Variants in SMOC2 observed in about 807,000 individuals in gnomAD.
SMOC2 encodes the protein SPARC related modular calcium binding 2, also known as SPARC-related modular calcium-binding protein 2.
A neutral mutation model predicts 61.4 loss-of-function variants in SMOC2; 39 were observed. The observed-to-expected ratio is 0.64, with a 90% CI of 0.49 to 0.83. The LOEUF is 0.83. Among genes scored for constraint, SMOC2 ranks in the 40% least tolerant of loss-of-function variants. SMOC2 has a pLI of 0.00. For missense variants in SMOC2, 556 were observed against 592.9 expected (o/e 0.94, Z 0.65); for synonymous variants, 247 against 239.9 (o/e 1.03, Z -0.27).
chr6:168,517,680 A>G (rs2763241), intron 2 of SMOC2, among the ~76,000 whole-genome samples: 111,135 of 152,218 alleles, frequency 0.73, 41,830 homozygotes, highest in Non-Finnish European at 0.84. Flanking sequence ...GAGCACGGCA[A>G]TGGCCCCTGC....
At chr6:168,540,803 C>T (rs1281707747) in intron 4 of SMOC2, among the ~76,000 whole-genome samples, 3 of 152,130 alleles carry the variant, frequency 2.0e-5, no homozygotes, top group East Asian at 1.9e-4. Flanking sequence ...TAAACCTGCC[C>T]CCAGGATGTG....
intron 1 of SMOC2, among the ~76,000 whole-genome samples, chr6:168,466,885 G>A (rs999747618): frequency 6.6e-5 from 10 of 152,268 alleles, no homozygotes; most frequent in African/African-American, 2.2e-4. Context: ...ATCCCAAGCC[G>A]CTTCTCCAAC....
chr6:168,493,869 C>T (rs563890406), intron 1 of SMOC2, among the ~76,000 whole-genome samples: 2 of 152,128 alleles, frequency 1.3e-5, no homozygotes, highest in Non-Finnish European at 2.9e-5. Flanking sequence ...TTTATCTTTT[C>T]TATTTTAATT....
chr6:168,623,682 T>C (rs957203668), intron 9 of SMOC2, among the ~76,000 whole-genome samples: 3 of 148,408 alleles, frequency 2.0e-5, no homozygotes, highest in Non-Finnish European at 4.5e-5. Flanking sequence ...CAGTGGCTCA[T>C]GCCTGTAATC....
intron 9 of SMOC2, among the ~76,000 whole-genome samples, chr6:168,631,881 T>C (rs904799167): frequency 6.6e-6 from 1 of 152,182 alleles, no homozygotes; most frequent in African/African-American, 2.4e-5. Context: ...GTTCATTTCC[T>C]GCACACAGCG....
At chr6:168,666,299 C>G in intron 12 of SMOC2, 122 bp from the exon 13 acceptor site, 1 of 1,042,752 alleles carries the variant, frequency 9.6e-7, no homozygotes, top group Non-Finnish European at 1.4e-6. Context: ...ATACTTACAC[C>G]TCACATGACC....
Position 168,508,503 on chromosome 6 carries a change from A to T in SMOC2, c.85-1412A>T, listed in dbSNP as rs544248341. Among the ~76,000 whole-genome samples, 5 of 152,368 alleles carry T rather than the reference A, an allele frequency of 3.3e-5. No individual in the cohort carries two copies. The East Asian group carries it at 9.6e-4, about 29-fold the overall frequency. On this transcript the variant is annotated intron_variant, in intron 1 of 12. Transcript: ENST00000356284. Reference sequence around the variant, plus strand: ...TGGTGATCCGCAGCCACAGAGGGGTACAATGCTGATTAGCTGGGCAAAGCT... The same window carrying T: ...TGGTGATCCGCAGCCACAGAGGGGTTCAATGCTGATTAGCTGGGCAAAGCT...
At chr6:168,503,721 G>T (rs1424839821) in intron 1 of SMOC2, among the ~76,000 whole-genome samples, 3 of 152,152 alleles carry the variant, frequency 2.0e-5, no homozygotes, top group Non-Finnish European at 4.4e-5. Context: ...CCACCCATTT[G>T]TGCTAGGAAC....
At chr6:168,441,808 G>A (rs1781215687) in intron 1 of SMOC2, among the ~76,000 whole-genome samples, 2 of 152,306 alleles carry the variant, frequency 1.3e-5, no homozygotes, top group South Asian at 4.1e-4. Flanking sequence ...GGAGCTGCGG[G>A]TGCGCTCGGG....
At chr6:168,485,903 A>T (rs1184806572) in intron 1 of SMOC2, among the ~76,000 whole-genome samples, 2 of 152,180 alleles carry the variant, frequency 1.3e-5, no homozygotes, top group African/African-American at 4.8e-5. Flanking sequence ...GACTTCATCA[A>T]ATTCAAAAGT....
intron 5 of SMOC2, 90 bp from the exon 6 acceptor site, chr6:168,547,029 C>A: frequency 2.0e-6 from 3 of 1,506,038 alleles, no homozygotes; most frequent in South Asian, 2.3e-5. Context: ...GGACTGAGTG[C>A]AAGTCCTCAG....
At chr6:168,567,362 C>T (rs1361852173) in intron 7 of SMOC2, among the ~76,000 whole-genome samples, 1 of 152,028 alleles carries the variant, frequency 6.6e-6, no homozygotes, top group African/African-American at 2.4e-5. Flanking sequence ...TATGTTACAA[C>T]CAAAATGTAT....
chr6:168,556,151 T>C (rs1235962962), intron 7 of SMOC2, among the ~76,000 whole-genome samples: 1 of 151,834 alleles, frequency 6.6e-6, no homozygotes, highest in Non-Finnish European at 1.5e-5. Context: ...TTCCCGGGGG[T>C]CCGCGGCTGT....
intron 1 of SMOC2, among the ~76,000 whole-genome samples, chr6:168,478,965 G>C (rs1782148199): frequency 6.6e-6 from 1 of 152,040 alleles, no homozygotes; most frequent in African/African-American, 2.4e-5. Context: ...AACGTTGAAT[G>C]ATTTATGGTA....
intron 11 of SMOC2, among the ~76,000 whole-genome samples, chr6:168,659,526 G>GAT (rs1787423715): frequency 7.3e-5 from 4 of 54,744 alleles, no homozygotes; most frequent in African/African-American, 1.4e-4. Context: ...TGTAGGTTGG[G>GAT]TGAGGATGGA....
chr6:168,493,146 C>T (rs1215711906), intron 1 of SMOC2, among the ~76,000 whole-genome samples: 1 of 152,014 alleles, frequency 6.6e-6, no homozygotes, highest in Non-Finnish European at 1.5e-5. Context: ...AGGCAATTCT[C>T]CTGTCTTAGT....
intron 7 of SMOC2, among the ~76,000 whole-genome samples, chr6:168,564,429 C>G (rs1261533520): frequency 6.6e-6 from 1 of 152,140 alleles, no homozygotes; most frequent in African/African-American, 2.4e-5. Context: ...GACTTTATGA[C>G]AAATCCTTGC....
intron 7 of SMOC2, among the ~76,000 whole-genome samples, chr6:168,598,098 C>G (rs1355520971): frequency 3.3e-5 from 5 of 152,212 alleles, no homozygotes; most frequent in African/African-American, 9.6e-5. Context: ...ATGAATACCT[C>G]TCATTATTAT....
At chr6:168,641,998 A>G (rs533517115) in intron 9 of SMOC2, among the ~76,000 whole-genome samples, 8 of 152,252 alleles carry the variant, frequency 5.3e-5, no homozygotes, top group Non-Finnish European at 1.2e-4. Flanking sequence ...CAAAAGTAGT[A>G]ATTTTCTTTT....
Sources: gnomAD v4.1 joint callset for allele counts (sites outside exome capture counted in the v4.1 genomes callset) on GRCh38, gnomAD v4.1.1 for gene constraint, MANE v1.5 for transcripts, NCBI Gene and HGNC (gene_info 2026-07-23, HGNC 2026-07-21) for gene names.